METTL15: variants seen among roughly 807,000 people sequenced by gnomAD.
The protein encoded by METTL15 is 12S rRNA N(4)-cytidine methyltransferase METTL15.
A neutral mutation model predicts 38.3 loss-of-function variants in METTL15; 34 were observed. The observed-to-expected ratio is 0.89, with a 90% CI of 0.68 to 1.18. The LOEUF is 1.18. METTL15 is among the 50% of genes most tolerant of loss of function. The pLI is 0.00. For missense variants in METTL15, 438 were observed against 498.4 expected (o/e 0.88, Z 1.15); for synonymous variants, 162 against 170.9 (o/e 0.95, Z 0.41).
At chr11:28,504,744 T>A (rs922110835) in intron 6 of METTL15, among the ~76,000 whole-genome samples, 26 of 152,236 alleles carry the variant, frequency 1.7e-4, no homozygotes, top group African/African-American at 5.1e-4. Context: ...GTCATCGTGA[T>A]GCACATATGT....
At chr11:28,115,896 A>G (rs1198698806) in intron 3 of METTL15, among the ~76,000 whole-genome samples, 1 of 149,682 alleles carries the variant, frequency 6.7e-6, no homozygotes, top group Non-Finnish European at 1.5e-5. Context: ...ATATACACAT[A>G]CATATATGCA....
chr11:28,301,506 C>T (rs935799423), intron 6 of METTL15, among the ~76,000 whole-genome samples: 3 of 152,058 alleles, frequency 2.0e-5, no homozygotes, highest in African/African-American at 7.2e-5. Context: ...ACACCATTGT[C>T]AACAGCCACA....
chr11:28,469,016 G>T (rs1851280671), intron 6 of METTL15, among the ~76,000 whole-genome samples: 1 of 152,218 alleles, frequency 6.6e-6, no homozygotes, highest in East Asian at 1.9e-4. Context: ...CCTTTTAAAA[G>T]ATTTTAAAAG....
At chr11:28,316,665 A>G (rs190973640) in intron 6 of METTL15, among the ~76,000 whole-genome samples, 2 of 152,312 alleles carry the variant, frequency 1.3e-5, no homozygotes, top group African/African-American at 2.4e-5. Flanking sequence ...ATCTCATTTA[A>G]TAACTCACAT....
At chr11:28,153,901 G>A (rs780357364) in intron 3 of METTL15, among the ~76,000 whole-genome samples, 1 of 152,080 alleles carries the variant, frequency 6.6e-6, no homozygotes, top group Non-Finnish European at 1.5e-5. Context: ...TGAGCTAAGC[G>A]CAGAAATTGG....
chr11:28,407,621 A>G (rs1850685276), intron 5 of METTL15, among the ~76,000 whole-genome samples: 1 of 152,192 alleles, frequency 6.6e-6, no homozygotes, highest in African/African-American at 2.4e-5. Flanking sequence ...TACCCATGCC[A>G]GTCAGAATGG....
rs534713261 is a variant in METTL15 at position 28,222,519 on chromosome 11, G to C, written c.407+11321G>C. ...CACTTCTGGGGTGAGGCGATGCCTCGCCCTGCTTTGGCTCACGCTTGGTGT... is the reference window on the plus strand; with the variant it reads ...CACTTCTGGGGTGAGGCGATGCCTCCCCCTGCTTTGGCTCACGCTTGGTGT... On this transcript the variant is annotated intron_variant, in intron 4 of 6. Coordinates refer to ENST00000407364, the MANE Select transcript of METTL15 (RefSeq NM_001113528.2). Among the ~76,000 whole-genome samples, 10 of 152,254 alleles carry C rather than the reference G, an allele frequency of 6.6e-5. No individual in the cohort carries two copies. In the South Asian group the frequency reaches 2.1e-3, roughly 32 times the overall value.
At chr11:28,122,896 A>C (rs2133610818) in intron 3 of METTL15, among the ~76,000 whole-genome samples, 1 of 152,156 alleles carries the variant, frequency 6.6e-6, no homozygotes, top group Non-Finnish European at 1.5e-5. Flanking sequence ...ATTCTTTGCT[A>C]CTAAAATATA....
At chr11:28,147,445 A>G (rs1474580978) in intron 3 of METTL15, among the ~76,000 whole-genome samples, 9 of 151,772 alleles carry the variant, frequency 5.9e-5, no homozygotes, top group African/African-American at 2.2e-4. Flanking sequence ...AAATTGAGAC[A>G]CATTTTATAA....
intron 4 of METTL15, among the ~76,000 whole-genome samples, chr11:28,277,718 C>CA (rs1186789265): frequency 1.3e-5 from 2 of 151,368 alleles, no homozygotes; most frequent in African/African-American, 2.4e-5. Flanking sequence ...AAAACAGCAA[C>CA]AAAAAAAATG....
chr11:28,498,984 T>C (rs1851558938), intron 6 of METTL15, among the ~76,000 whole-genome samples: 1 of 152,248 alleles, frequency 6.6e-6, no homozygotes, highest in Non-Finnish European at 1.5e-5. Context: ...TGCTTGGTTT[T>C]ATTAATACAT....
At chr11:28,297,479 C>T (rs1856783118) in intron 6 of METTL15, among the ~76,000 whole-genome samples, 1 of 152,136 alleles carries the variant, frequency 6.6e-6, no homozygotes, top group South Asian at 2.1e-4. Context: ...GGTTATTCCA[C>T]TTTGTGAATG....
intron 3 of METTL15, among the ~76,000 whole-genome samples, chr11:28,206,545 G>T (rs903887196): frequency 4.1e-4 from 62 of 151,384 alleles, no homozygotes; most frequent in Non-Finnish European, 7.2e-4. Context: ...GTAGCGTGAT[G>T]CCTCCAGTTT....
chr11:28,269,109 A>G (rs1319852285), intron 4 of METTL15, among the ~76,000 whole-genome samples: 1 of 152,150 alleles, frequency 6.6e-6, no homozygotes, highest in Non-Finnish European at 1.5e-5. Context: ...CTGACATGTA[A>G]CTTGCTGTAC....
chr11:28,384,974 A>T (rs565850163), intron 5 of METTL15, among the ~76,000 whole-genome samples: 2 of 152,134 alleles, frequency 1.3e-5, no homozygotes, highest in South Asian at 2.1e-4. Context: ...TCCTTTGTTC[A>T]CTTTTTAATG....
intron 3 of METTL15, among the ~76,000 whole-genome samples, chr11:28,123,189 G>C (rs1316735942): frequency 1.3e-5 from 2 of 152,068 alleles, no homozygotes; most frequent in African/African-American, 2.4e-5. Context: ...ACATACACAC[G>C]AGTCATCCTC....
At chr11:28,133,896 G>C (rs1368622508) in intron 3 of METTL15, among the ~76,000 whole-genome samples, 1 of 152,056 alleles carries the variant, frequency 6.6e-6, no homozygotes. Context: ...CTAAATTTTA[G>C]GGTAATTTTT....
chr11:28,233,516 C>G (rs190477110), intron 4 of METTL15, among the ~76,000 whole-genome samples: 82 of 152,062 alleles, frequency 5.4e-4, no homozygotes, highest in Non-Finnish European at 8.4e-4. Context: ...ACACTGCATT[C>G]AGTTTTCCCT....
At chr11:28,292,822 T>G (rs1204345073) in intron 5 of METTL15, among the ~76,000 whole-genome samples, 5 of 152,226 alleles carry the variant, frequency 3.3e-5, no homozygotes, top group Non-Finnish European at 5.9e-5. Context: ...ATGATGAGCA[T>G]TTTTTCATGT....
Sources: allele counts gnomAD v4.1 joint callset (sites outside exome capture counted in the v4.1 genomes callset), GRCh38; gene constraint gnomAD v4.1.1; transcripts MANE v1.5; gene names NCBI Gene and HGNC (gene_info 2026-07-23, HGNC 2026-07-21).